The following PTPN6 variants were observed in gnomAD, a reference collection of about 807,000 sequenced individuals.
The protein encoded by PTPN6 is protein tyrosine phosphatase non-receptor type 6.
Under a neutral mutation model 81.5 loss-of-function variants are expected in PTPN6, and 18 were observed. The ratio of observed to expected loss-of-function variants is 0.22; its 90% CI spans 0.15 to 0.33. PTPN6 has a LOEUF of 0.33. Among genes scored for constraint, PTPN6 ranks in the 10% least tolerant of loss-of-function variants. The pLI, the probability that PTPN6 is intolerant of heterozygous loss-of-function variation, is 1.00. For synonymous variants in PTPN6, 301 were observed against 310.9 expected (o/e 0.97, Z 0.33); for missense variants, 500 against 794.2 (o/e 0.63, Z 4.45).
rs782771079 is a variant in PTPN6 at position 6,951,815 on chromosome 12, G to A, written c.131+84G>A. 16 of 1,598,236 alleles carry A rather than the reference G, an allele frequency of 1.0e-5. 1 individual carries two copies. The highest frequency in any genetic ancestry group is 2.2e-5 in the South Asian group (2 of 90,744). ...CTGAACCACTCATTCCTGGTTCCCC[G>A]TGGCAGTGCTGACTCCCCGTCTGTT... On this transcript the variant is annotated intron_variant, in intron 2 of 15. Coordinates refer to ENST00000318974, the MANE Select transcript of PTPN6 (RefSeq NM_002831.6). The surrounding 1 kb of genome is among the most constrained non-coding windows in gnomAD (Gnocchi z 7.2).
chr12:6,959,607 T>G lies in PTPN6; in HGVS notation c.1362-320T>G. 1 of 525,496 alleles carries G rather than the reference T, an allele frequency of 1.9e-6. No homozygotes were observed. 32.6% of individuals were successfully genotyped at this position (525,496 alleles called of 1,614,324 possible). A position where few individuals can be genotyped will look rare whatever the true frequency, so the allele number is the denominator to read the frequency against. On this transcript the variant is annotated intron_variant, in intron 11 of 15. Coordinates refer to ENST00000318974, the MANE Select transcript of PTPN6 (RefSeq NM_002831.6). The surrounding 1 kb of genome is among the most constrained non-coding windows in gnomAD (Gnocchi z 6.6). ...TACCTGGGAGCCGGCAGGACAGTGGTGGGATTTGGGGGTCCCAGGTCTTCC... is the reference window on the plus strand; with the variant it reads ...TACCTGGGAGCCGGCAGGACAGTGGGGGGATTTGGGGGTCCCAGGTCTTCC...
Position 6,951,410 on chromosome 12 carries a change from ACTGGGAG to A in PTPN6, c.-99_-93del, listed in dbSNP as rs1445615036. The A allele has an allele frequency of 1.3e-6, 2 of 1,556,544 alleles. No individual in the cohort carries two copies. Among genetic ancestry groups the A allele is most frequent in the Non-Finnish European group, 1.7e-6 (2 of 1,151,100 alleles). On this transcript the variant is annotated 5_prime_UTR_variant, in exon 1 of 16. Transcript: ENST00000318974. The surrounding 1 kb of genome is among the most constrained non-coding windows in gnomAD (Gnocchi z 7.2). ...ACCGGGGGTGGTGAGGCGGCCCGGCACTGGGAGCTGCATCTGAGGCTTAGTCCCTGAG... is the reference window on the plus strand; with the variant it reads ...ACCGGGGGTGGTGAGGCGGCCCGGCACTGCATCTGAGGCTTAGTCCCTGAG...
intron 11 of PTPN6, among the ~76,000 whole-genome samples, chr12:6,958,481 T>C (rs1946072951): frequency 6.6e-6 from 1 of 152,260 alleles, no homozygotes; most frequent in Non-Finnish European, 1.5e-5. Flanking sequence ...GGAACATCTA[T>C]GAGGCATGTG....
At position 6,956,618 on chromosome 12, in the gene PTPN6, C is replaced by T; in HGVS notation, c.1074+50C>T. The T allele has an allele frequency of 3.1e-6, 5 of 1,610,244 alleles. No individual in the cohort carries two copies. Among genetic ancestry groups the T allele is most frequent in the Non-Finnish European group, 4.2e-6 (5 of 1,178,722 alleles). On this transcript the variant is annotated intron_variant, in intron 9 of 15. Transcript: ENST00000318974. The surrounding 1 kb of genome is among the most constrained non-coding windows in gnomAD (Gnocchi z 4.1). ...TCCGCCCCCGTGCTTGTGGTCATGCCATTAAGTCGAAGAGCAGTCAGATGC... is the reference window on the plus strand; with the variant it reads ...TCCGCCCCCGTGCTTGTGGTCATGCTATTAAGTCGAAGAGCAGTCAGATGC...
Position 6,960,725 on chromosome 12 carries a change from G to C in PTPN6, c.1674-81G>C. Reference sequence around the variant, plus strand: ...CCTGTGAGACGGGGTGGCCAGAGGGGACTGCCAGTGCCGGGTCCCCCTGTG... The same window carrying C: ...CCTGTGAGACGGGGTGGCCAGAGGGCACTGCCAGTGCCGGGTCCCCCTGTG... On this transcript the variant is annotated intron_variant, in intron 14 of 15. Coordinates refer to ENST00000318974, the MANE Select transcript of PTPN6 (RefSeq NM_002831.6). This position sits in a 1 kb window ranked among gnomAD's most constrained non-coding sequence, Gnocchi z 6.1. 6.4e-7 allele frequency: 1 copy of C among 1,551,534 alleles called. No individual in the cohort carries two copies. Among genetic ancestry groups the C allele is most frequent in the African/African-American group, 1.4e-5 (1 of 73,114 alleles).
chr12:6,948,554 A>G (rs781823470), upstream of PTPN6, among the ~76,000 whole-genome samples: 257 of 151,748 alleles, frequency 1.7e-3, no homozygotes, highest in Non-Finnish European at 3.1e-3. Context: ...GGAAAGAAAG[A>G]AAAGAAAGGA....
At chr12:6,953,118 T>C (rs1406949836) in intron 3 of PTPN6, 1 of 152,110 alleles carries the variant, frequency 6.6e-6, no homozygotes, top group African/African-American at 2.4e-5. Flanking sequence ...AAGGCACTGA[T>C]TGAAACTTAG....
upstream of PTPN6, among the ~76,000 whole-genome samples, chr12:6,947,640 GCCTGGGCGACAGAGTGAGA>G (rs1290542761): frequency 1.1e-4 from 16 of 148,430 alleles, no homozygotes; most frequent in Non-Finnish European, 1.5e-4. Context: ...CTGCACACCA[GCCTGGGCGACAGAGTGAGA>G]CCTTGTCTCA....
In PTPN6 at chr12:6,956,129, C is replaced by T. The variant is rs199639740; in HGVS notation, c.845-13C>T. On this transcript the variant is annotated splice_polypyrimidine_tract_variant and intron_variant, in intron 7 of 15. Transcript: ENST00000318974. This position sits in a 1 kb window ranked among gnomAD's most constrained non-coding sequence, Gnocchi z 4.1. The stretch of plus-strand genomic sequence containing the variant: ...AACCCAGACCATCTCGCCTCCTCTC[C>T]GCCCACTCCCAGTTGACCACAGCCG... The T allele has an allele frequency of 2.9e-5, 47 of 1,614,068 alleles. No individual in the cohort carries two copies. The highest frequency in any genetic ancestry group is 2.2e-4 in the East Asian group (10 of 44,884).
chr12:6,960,796 C>T lies in PTPN6; in HGVS notation c.1674-10C>T. ...ACTGCCTGTACTTGCCCCCCTGCAC[C>T]CGGCTGCAGACACAAGGAGGATGTG... On this transcript the variant is annotated splice_polypyrimidine_tract_variant and intron_variant, in intron 14 of 15. Coordinates refer to ENST00000318974, the MANE Select transcript of PTPN6 (RefSeq NM_002831.6). The surrounding 1 kb of genome is among the most constrained non-coding windows in gnomAD (Gnocchi z 6.1). 1 of 1,556,552 alleles carries T rather than the reference C, an allele frequency of 6.4e-7. No individual in the cohort carries two copies.
rs1294032772 is a variant in PTPN6, at chr12:6,960,472, C to A, written c.1673+37C>A. On this transcript the variant is annotated intron_variant, in intron 14 of 15. Transcript: ENST00000318974. The surrounding 1 kb of genome is among the most constrained non-coding windows in gnomAD (Gnocchi z 6.1). ...TGACTGCCACTGCCCGGCATCCACC[C>A]CTTTGTCCTGCCCAGCCCGATCCTC... is the stretch of plus-strand genomic sequence containing the variant. 5.7e-6 allele frequency: 9 copies of A among 1,592,496 alleles called. No individual in the cohort carries two copies. Among genetic ancestry groups the A allele is most frequent in the Admixed American group, 1.7e-5 (1 of 59,730 alleles).
At position 6,959,763 on chromosome 12, in the gene PTPN6, G is replaced by A; in HGVS notation, c.1362-164G>A. 1.3e-6 allele frequency: 1 copy of A among 757,668 alleles called. No individual in the cohort carries two copies. The highest frequency in any genetic ancestry group is 1.6e-5 in the South Asian group (1 of 64,476). 46.9% of individuals were successfully genotyped at this position (757,668 alleles called of 1,614,324 possible). A position where few individuals can be genotyped will look rare whatever the true frequency, so the allele number is the denominator to read the frequency against. On this transcript the variant is annotated intron_variant, in intron 11 of 15. Coordinates refer to ENST00000318974, the MANE Select transcript of PTPN6 (RefSeq NM_002831.6). This position sits in a 1 kb window ranked among gnomAD's most constrained non-coding sequence, Gnocchi z 6.6. ...GTGGAGCGTGTCCATGCAGAGCTGG[G>A]CAAACCTCCATCATCACTTGCCCGG... is the stretch of plus-strand genomic sequence containing the variant.
intron 11 of PTPN6, among the ~76,000 whole-genome samples, chr12:6,958,525 G>T (rs955457511): frequency 2.6e-5 from 4 of 152,224 alleles, no homozygotes; most frequent in African/African-American, 9.6e-5. Flanking sequence ...ATCGGTAGCC[G>T]CAGGGCTTCG....
intron 11 of PTPN6, among the ~76,000 whole-genome samples, chr12:6,958,432 C>T (rs1555149156): frequency 6.6e-6 from 1 of 152,258 alleles, no homozygotes; most frequent in Non-Finnish European, 1.5e-5. Context: ...GGCTGCTCCG[C>T]TTTCTCTCGA....
In PTPN6 at chr12:6,957,184, A is replaced by G. The variant is rs1431231294; in HGVS notation, c.1075-470A>G. Among the ~76,000 whole-genome samples the G allele has an allele frequency of 6.6e-6, 1 of 152,220 alleles. No individual in the cohort carries two copies. Among genetic ancestry groups the G allele is most frequent in the Non-Finnish European group, 1.5e-5 (1 of 68,038 alleles). The stretch of plus-strand genomic sequence containing the variant: ...TCTCTCCACACTATCTCTGCCTGGC[A>G]GATGCCTCGTTTTTGAAGACACAGC... On this transcript the variant is annotated intron_variant, in intron 9 of 15. Coordinates refer to ENST00000318974, the MANE Select transcript of PTPN6 (RefSeq NM_002831.6). This position sits in a 1 kb window ranked among gnomAD's most constrained non-coding sequence, Gnocchi z 6.5.
In PTPN6 at chr12:6,955,240, C is replaced by G; in HGVS notation, c.606C>G (p.Ala202=). ...TCAAGAAGACGGGGATTGAGGAGGC[C>G]TCAGGCGCCTTTGTCTACCTGCGGC... is the stretch of plus-strand genomic sequence containing the variant. The part of the protein sequence containing the change: ...EHFKKTGIEE[A]SGAFVYLRQP... The change falls in exon 5 of 16, where the codon GCC becomes GCG. Residue 202 remains alanine, a synonymous_variant. Coordinates refer to ENST00000318974, the MANE Select transcript of PTPN6 (RefSeq NM_002831.6). The surrounding 1 kb of genome is among the most constrained non-coding windows in gnomAD (Gnocchi z 7.2). 1.2e-6 allele frequency: 2 copies of G among 1,614,216 alleles called. No individual in the cohort carries two copies. Among genetic ancestry groups the G allele is most frequent in the Non-Finnish European group, 1.7e-6 (2 of 1,180,028 alleles).
In PTPN6 at chr12:6,955,764, C is replaced by T; in HGVS notation, c.844+8C>T. 3 of 1,612,538 alleles carry T rather than the reference C, an allele frequency of 1.9e-6. No homozygotes were observed. Among genetic ancestry groups the T allele is most frequent in the Non-Finnish European group, 2.5e-6 (3 of 1,178,756 alleles). Reference sequence around the variant, plus strand: ...ACAAGAACATTCTCCCCTGTGAGCACCCAGGCTGCCCCATTCACCCAGGAT... The same window carrying T: ...ACAAGAACATTCTCCCCTGTGAGCATCCAGGCTGCCCCATTCACCCAGGAT... On this transcript the variant is annotated splice_region_variant and intron_variant, in intron 7 of 15. Coordinates refer to ENST00000318974, the MANE Select transcript of PTPN6 (RefSeq NM_002831.6). The surrounding 1 kb of genome is among the most constrained non-coding windows in gnomAD (Gnocchi z 7.2).
chr12:6,953,844 AG>A (rs2138265295), intron 3 of PTPN6, among the ~76,000 whole-genome samples: 2 of 152,116 alleles, frequency 1.3e-5, no homozygotes, highest in South Asian at 4.2e-4. Context: ...ACCTCCGGGC[AG>A]GGGTGAGATG....
At position 6,954,414 on chromosome 12, in the gene PTPN6, G is replaced by A. The variant is rs782750239; in HGVS notation, c.327-391G>A. 6.6e-6 allele frequency among the ~76,000 whole-genome samples: 1 copy of A among 152,332 alleles called. No individual in the cohort carries two copies. The highest frequency in any genetic ancestry group is 6.5e-5 in the Admixed American group (1 of 15,308). ...ATTGCCAGCCTTTCTGCCTTTCAGA[G>A]GTGGGCTCTGGGTTCGAAGCCCGGT... is the stretch of plus-strand genomic sequence containing the variant. On this transcript the variant is annotated intron_variant, in intron 3 of 15. Transcript: ENST00000318974. This position sits in a 1 kb window ranked among gnomAD's most constrained non-coding sequence, Gnocchi z 5.4.
Sources: allele counts gnomAD v4.1 joint callset (sites outside exome capture counted in the v4.1 genomes callset), GRCh38; gene constraint gnomAD v4.1.1; non-coding constraint Gnocchi (gnomAD v3.1); transcripts MANE v1.5; gene names NCBI Gene and HGNC (gene_info 2026-07-23, HGNC 2026-07-21).